The following MACROD2 variants were observed in gnomAD, a reference collection of about 807,000 sequenced individuals.
MACROD2 encodes mono-ADP ribosylhydrolase 2.
In MACROD2, 36 loss-of-function variants were observed where a neutral mutation model predicts 70.4. The observed-to-expected ratio is 0.51, with a 90% CI of 0.39 to 0.68. MACROD2 has a LOEUF of 0.68. MACROD2 is among the 30% of genes least tolerant of loss of function. The pLI is 0.00. For missense variants in MACROD2, 496 were observed against 538.4 expected (o/e 0.92, Z 0.78); for synonymous variants, 172 against 178.8 (o/e 0.96, Z 0.30).
At chr20:14,257,662 A>G (rs548077473) in intron 3 of MACROD2, among the ~76,000 whole-genome samples, 2 of 152,346 alleles carry the variant, frequency 1.3e-5, no homozygotes, top group African/African-American at 4.8e-5. Flanking sequence ...AAATGTATGC[A>G]TAACTTTTAA....
intron 3 of MACROD2, among the ~76,000 whole-genome samples, chr20:14,106,270 C>A (rs569670718): frequency 6.6e-6 from 1 of 152,154 alleles, no homozygotes; most frequent in African/African-American, 2.4e-5. Flanking sequence ...CAGAACCCCA[C>A]ATGGGCTGGT....
Position 14,650,605 on chromosome 20 carries a change from C to G in MACROD2, c.302-34238C>G, listed in dbSNP as rs56211492. On this transcript the variant is annotated intron_variant, in intron 4 of 17. Transcript: ENST00000684519. ...CTGACTTTTTCAGCCTATTTGTTGT[C>G]TATGGTAAACTAACAGCAAACAGCT... 2.0e-5 allele frequency among the ~76,000 whole-genome samples: 3 copies of G among 152,142 alleles called. No homozygotes were observed. The East Asian group carries it at 5.8e-4, about 29-fold the overall frequency.
intron 4 of MACROD2, among the ~76,000 whole-genome samples, chr20:14,529,797 G>A (rs759264189): frequency 1.1e-4 from 17 of 152,174 alleles, no homozygotes; most frequent in Non-Finnish European, 2.4e-4. Context: ...ATACAAATAT[G>A]AGCTCTCATT....
intron 4 of MACROD2, among the ~76,000 whole-genome samples, chr20:14,606,385 T>C (rs746869727): frequency 2.6e-5 from 4 of 152,142 alleles, no homozygotes; most frequent in Admixed American, 6.6e-5. Flanking sequence ...CTAAGAAATA[T>C]ATGCAGCATG....
At chr20:14,153,837 AAAG>A (rs2055057274) in intron 3 of MACROD2, among the ~76,000 whole-genome samples, 1 of 152,232 alleles carries the variant, frequency 6.6e-6, no homozygotes, top group Non-Finnish European at 1.5e-5. Flanking sequence ...CATATAACAA[AAAG>A]AAGCAAATGT....
At chr20:15,897,136 C>G (rs748594686) in intron 10 of MACROD2, among the ~76,000 whole-genome samples, 1 of 152,144 alleles carries the variant, frequency 6.6e-6, no homozygotes, top group African/African-American at 2.4e-5. Flanking sequence ...GAAAGTCTCT[C>G]AGGCCTTATT....
At chr20:14,825,777 T>A (rs1600701547) in intron 5 of MACROD2, among the ~76,000 whole-genome samples, 1 of 152,174 alleles carries the variant, frequency 6.6e-6, no homozygotes, top group Non-Finnish European at 1.5e-5. Context: ...TTTTAAATTC[T>A]TGCTCATTAG....
At chr20:14,554,710 G>C (rs1535216) in intron 4 of MACROD2, among the ~76,000 whole-genome samples, 99,870 of 151,902 alleles carry the variant, frequency 0.66, 34,038 homozygotes, top group East Asian at 0.93. Context: ...TTTACATTTT[G>C]TACACATTAT....
rs78114598 is a variant in MACROD2, at chr20:14,945,456, C to T, written c.418+260497C>T. ...ACTGAAGACAGGGGCGTCAAGGTTACAAGTGGCTGTCACCTTAGTAAGGGT... is the reference window on the plus strand; with the variant it reads ...ACTGAAGACAGGGGCGTCAAGGTTATAAGTGGCTGTCACCTTAGTAAGGGT... On this transcript the variant is annotated intron_variant, in intron 5 of 17. Coordinates refer to ENST00000684519, the MANE Select transcript of MACROD2 (RefSeq NM_001351661.2). Among the ~76,000 whole-genome samples, 788 of 152,326 alleles carry T rather than the reference C, an allele frequency of 5.2e-3. 10 individuals are homozygous for T. The highest frequency in any genetic ancestry group is 0.018 in the African/African-American group (748 of 41,576).
Position 15,466,988 on chromosome 20 carries a change from C to A in MACROD2, c.572-32786C>A, listed in dbSNP as rs2046900391. 2.0e-5 allele frequency among the ~76,000 whole-genome samples: 3 copies of A among 152,184 alleles called. No homozygotes were observed. In the South Asian group the frequency reaches 6.2e-4, roughly 32 times the overall value. On this transcript the variant is annotated intron_variant, in intron 7 of 17. Coordinates refer to ENST00000684519, the MANE Select transcript of MACROD2 (RefSeq NM_001351661.2). ...AAATGCACTGGGTGCTGAAGTTGGG[C>A]ATTGCAGCAGATACTGTTGCTGTCC...
chr20:14,194,758 T>A (rs1443819652), intron 3 of MACROD2, among the ~76,000 whole-genome samples: 1 of 152,166 alleles, frequency 6.6e-6, no homozygotes, highest in Non-Finnish European at 1.5e-5. Context: ...TGGGACTGTT[T>A]GGTAGTGGAA....
chr20:15,288,213 C>A (rs2077509175), intron 6 of MACROD2, among the ~76,000 whole-genome samples: 1 of 152,182 alleles, frequency 6.6e-6, no homozygotes, highest in African/African-American at 2.4e-5. Flanking sequence ...TGGCACAGCT[C>A]TCAAGAACAA....
At chr20:15,501,252 G>A (rs1163567968) in intron 8 of MACROD2, among the ~76,000 whole-genome samples, 1 of 152,218 alleles carries the variant, frequency 6.6e-6, no homozygotes, top group East Asian at 1.9e-4. Context: ...CAAAAGTGTA[G>A]CATGTTGCAT....
chr20:14,534,140 T>C (rs35260242), intron 4 of MACROD2, among the ~76,000 whole-genome samples: 184 of 152,310 alleles, frequency 1.2e-3, no homozygotes, highest in Non-Finnish European at 1.9e-3. Context: ...TTGAGGATGG[T>C]GTGGAGATCC....
chr20:15,702,253 A>G (rs1018081501), intron 8 of MACROD2, among the ~76,000 whole-genome samples: 1 of 152,250 alleles, frequency 6.6e-6, no homozygotes, highest in Non-Finnish European at 1.5e-5. Flanking sequence ...TGCTTTCCAC[A>G]GTGGCTGAAC....
chr20:14,737,152 G>A (rs1345745271), intron 5 of MACROD2, among the ~76,000 whole-genome samples: 1 of 151,966 alleles, frequency 6.6e-6, no homozygotes, highest in Non-Finnish European at 1.5e-5. Flanking sequence ...CCCTCCCTGT[G>A]TCCATGTGTT....
At chr20:15,299,778 T>A (rs2077624775) in intron 6 of MACROD2, among the ~76,000 whole-genome samples, 2 of 152,186 alleles carry the variant, frequency 1.3e-5, no homozygotes, top group African/African-American at 2.4e-5. Context: ...AGGACCCAGT[T>A]TGAGATTAGA....
At chr20:15,233,140 A>T (rs780120315) in intron 6 of MACROD2, among the ~76,000 whole-genome samples, 5 of 152,024 alleles carry the variant, frequency 3.3e-5, no homozygotes, top group Admixed American at 6.6e-5. Flanking sequence ...CTTCCCAGAG[A>T]TGCATGAAAT....
chr20:15,489,523 G>A (rs1462569280), intron 7 of MACROD2, among the ~76,000 whole-genome samples: 2 of 152,078 alleles, frequency 1.3e-5, no homozygotes, highest in Non-Finnish European at 2.9e-5. Flanking sequence ...GAGATTCCTT[G>A]GGCCCCACAC....
Sources: gnomAD v4.1 joint callset for allele counts (sites outside exome capture counted in the v4.1 genomes callset) on GRCh38, gnomAD v4.1.1 for gene constraint, MANE v1.5 for transcripts, NCBI Gene and HGNC (gene_info 2026-07-23, HGNC 2026-07-21) for gene names.